Variants in ANO3 observed in about 807,000 individuals in gnomAD.
The protein encoded by ANO3 is anoctamin-3.
Under a neutral mutation model 144.8 loss-of-function variants are expected in ANO3, and 99 were observed. That is an observed-to-expected ratio of 0.68 (90% CI 0.58 to 0.81). ANO3 has a LOEUF of 0.81. Ranked by LOEUF, ANO3 falls within the 30% of genes least tolerant of loss-of-function variation. ANO3 has a pLI of 0.00. For missense variants in ANO3, 905 were observed against 1,202.2 expected (o/e 0.75, Z 3.66); for synonymous variants, 414 against 392.6 (o/e 1.05, Z -0.64).
Position 26,428,995 on chromosome 11 carries a change from G to A in ANO3, c.47-12923G>A, listed in dbSNP as rs189596728. 3.0e-4 allele frequency among the ~76,000 whole-genome samples: 46 copies of A among 152,296 alleles called. No individual in the cohort carries two copies. In the East Asian group the frequency reaches 5.4e-3, roughly 18 times the overall value. On this transcript the variant is annotated intron_variant, in intron 1 of 26. Transcript: ENST00000256737. ...TCTCCCCCATTATCAGAGCTGAGTCGTAGACCTTGCTAGAAGGGCACAGCC... is the reference window on the plus strand; with the variant it reads ...TCTCCCCCATTATCAGAGCTGAGTCATAGACCTTGCTAGAAGGGCACAGCC...
chr11:26,565,265 G>A, intron 14 of ANO3: 1 of 1,595,608 alleles, frequency 6.3e-7, no homozygotes, highest in Non-Finnish European at 8.5e-7. Context: ...TAAACCCAGT[G>A]AAGCTATCAC....
At chr11:26,577,763 C>G (rs7115642) in intron 14 of ANO3, among the ~76,000 whole-genome samples, 50,047 of 152,002 alleles carry the variant, frequency 0.33, 8,359 homozygotes, top group South Asian at 0.49. Flanking sequence ...TGTATTTAAA[C>G]CATGGGCTTA....
Position 26,641,995 on chromosome 11 carries a change from C to A in ANO3, c.2241C>A (p.Asn747Lys), listed in dbSNP as rs1410797952. 1.2e-6 allele frequency: 2 copies of A among 1,613,778 alleles called. No individual in the cohort carries two copies. The highest frequency in any genetic ancestry group is 1.7e-6 in the Non-Finnish European group (2 of 1,179,862). Residue 747 changes from asparagine (N) to lysine (K), a missense_variant, in exon 22 of 27, where the codon AAC (asparagine) becomes AAA (lysine). Physicochemically the swap from Asn to Lys is moderately conservative, Grantham distance 94 (BLOSUM62 0). Transcript: ENST00000256737. ...ATGATTGGAATCTGCAGCCCATGAA[C>A]CTTCATGGACTGATGGATGAGTACT... ...WENDWNLQPM[N>K]LHGLMDEYLE... is the part of the protein sequence containing the mutation.
intron 1 of ANO3, among the ~76,000 whole-genome samples, chr11:26,200,879 A>T (rs1194888614): frequency 6.6e-6 from 1 of 152,162 alleles, no homozygotes; most frequent in African/African-American, 2.4e-5. Context: ...GATTCAAAAC[A>T]TATTTACCTC....
At chr11:26,318,681 C>T (rs937724164) in intron 1 of ANO3, among the ~76,000 whole-genome samples, 4 of 152,038 alleles carry the variant, frequency 2.6e-5, no homozygotes, top group Non-Finnish European at 5.9e-5. Flanking sequence ...ATCAACTGGT[C>T]CTTGGAGAAC....
chr11:26,284,072 C>A (rs967180967), intron 1 of ANO3, among the ~76,000 whole-genome samples: 15 of 151,962 alleles, frequency 9.9e-5, no homozygotes, highest in African/African-American at 3.4e-4. Context: ...ACAGGCAGCT[C>A]CCAGATAACT....
intron 14 of ANO3, chr11:26,562,958 T>C: frequency 2.8e-6 from 3 of 1,080,270 alleles, no homozygotes; most frequent in Non-Finnish European, 3.7e-6. Context: ...ATTTTGGTTT[T>C]GTTCTTTGAT....
intron 4 of ANO3, among the ~76,000 whole-genome samples, chr11:26,484,339 C>T (rs963433729): frequency 6.6e-6 from 1 of 152,102 alleles, no homozygotes; most frequent in East Asian, 1.9e-4. Flanking sequence ...GAAGACACTG[C>T]TCCCTGCATC....
upstream of ANO3, chr11:26,331,890 C>G (rs16915482): frequency 0.039 from 8,692 of 224,388 alleles, 714 homozygotes; most frequent in African/African-American, 0.18. Context: ...TAACCAGCCT[C>G]AAAGCTTGGC....
In ANO3 at chr11:26,442,037, C is replaced by T. The variant is rs1462593751; in HGVS notation, c.166C>T (p.Leu56Phe). ...AAAGAGCTTGAGCCAGTCTACTTCC[C>T]TCTTCCAGTCAACCGAGAGTGAATC... ...YSKSLSQSTS[L>F]FQSTESESQA... Residue 56 changes from leucine (L) to phenylalanine (F), a missense_variant, in exon 2 of 27, where the codon CTC (leucine) becomes TTC (phenylalanine). Physicochemically the swap from Leu to Phe is conservative, Grantham distance 22 (BLOSUM62 0). This residue lies in a region of ANO3 where 174 missense variants were observed against 171.9 expected (regional missense o/e 1.01). Coordinates refer to ENST00000256737, the MANE Select transcript of ANO3 (RefSeq NM_031418.4). 2 of 1,614,112 alleles carry T rather than the reference C, an allele frequency of 1.2e-6. No individual in the cohort carries two copies. The highest frequency in any genetic ancestry group is 2.2e-5 in the East Asian group (1 of 44,896).
chr11:26,544,251 C>CACATATAT lies in ANO3; in HGVS notation c.1154+2184_1154+2185insCATATATA, dbSNP rs1183023481. Reference sequence around the variant, plus strand: ...TAAGGTTAAGTAGTATTTCATTATACATATATATATATATATATATATACA... The same window carrying CACATATAT: ...TAAGGTTAAGTAGTATTTCATTATACACATATATATATATATATATATATATATATACA... On this transcript the variant is annotated intron_variant, in intron 11 of 26. Coordinates refer to ENST00000256737, the MANE Select transcript of ANO3 (RefSeq NM_031418.4). Among the ~76,000 whole-genome samples the CACATATAT allele has an allele frequency of 3.9e-4, 15 of 38,478 alleles. 2 individuals are homozygous for CACATATAT. In the East Asian group the frequency reaches 0.015, roughly 39 times the overall value. The allele number at this position is 38,478 out of a possible 152,430, so 25.2% of individuals were successfully genotyped here. A position where few individuals can be genotyped will look rare whatever the true frequency, so the allele number is the denominator to read the frequency against.
At chr11:26,469,087 T>C in intron 4 of ANO3, among the ~76,000 whole-genome samples, 1 of 151,948 alleles carries the variant, frequency 6.6e-6, no homozygotes, top group East Asian at 1.9e-4. Context: ...TTCAGAGTCT[T>C]TGTATTCTCT....
In ANO3 at chr11:26,644,134, C is replaced by A. The variant is rs146745458; in HGVS notation, c.2428+800C>A. On this transcript the variant is annotated intron_variant, in intron 23 of 26. Coordinates refer to ENST00000256737, the MANE Select transcript of ANO3 (RefSeq NM_031418.4). ...ACCATGTGGTTTTCTATTGTGAGGA[C>A]ACCCTTCCAACCGTAACAAAACTTA... 8.5e-5 allele frequency among the ~76,000 whole-genome samples: 13 copies of A among 152,292 alleles called. No homozygotes were observed. In the East Asian group the frequency reaches 2.5e-3, roughly 29 times the overall value.
At chr11:26,625,594 C>T (rs1565150716) in intron 18 of ANO3, among the ~76,000 whole-genome samples, 2 of 151,968 alleles carry the variant, frequency 1.3e-5, no homozygotes, top group East Asian at 3.9e-4. Flanking sequence ...CTAATAATGG[C>T]CACTTTTTTG....
chr11:26,358,880 T>C (rs1266880517), intron 1 of ANO3, among the ~76,000 whole-genome samples: 1 of 152,202 alleles, frequency 6.6e-6, no homozygotes, highest in Non-Finnish European at 1.5e-5. Flanking sequence ...ATCCAGTGTA[T>C]GGTTTTTCTC....
At chr11:26,364,912 T>C (rs1383940330) in intron 1 of ANO3, among the ~76,000 whole-genome samples, 1 of 152,188 alleles carries the variant, frequency 6.6e-6, no homozygotes, top group Non-Finnish European at 1.5e-5. Context: ...TTCCCAATTG[T>C]CACCCAAAGT....
chr11:26,221,594 T>C (rs1852144448), intron 1 of ANO3, among the ~76,000 whole-genome samples: 1 of 152,232 alleles, frequency 6.6e-6, no homozygotes, highest in Non-Finnish European at 1.5e-5. Context: ...TAACACTGGA[T>C]AATTTATAAA....
intron 3 of ANO3, among the ~76,000 whole-genome samples, chr11:26,444,481 G>A (rs1858635212): frequency 6.6e-6 from 1 of 152,180 alleles, no homozygotes; most frequent in African/African-American, 2.4e-5. Flanking sequence ...ATGAAGCCCT[G>A]AGTTTTCAGT....
intron 14 of ANO3, among the ~76,000 whole-genome samples, chr11:26,587,730 G>A (rs1851326837): frequency 6.6e-6 from 1 of 152,118 alleles, no homozygotes; most frequent in Admixed American, 6.6e-5. Context: ...GCCAAGGCAG[G>A]AGGATTGCCT....
Sources: gnomAD v4.1 joint callset for allele counts (sites outside exome capture counted in the v4.1 genomes callset) on GRCh38, gnomAD v4.1.1 for gene constraint, gnomAD v4.1.1 regional missense constraint, MANE v1.5 for transcripts, NCBI Gene and HGNC (gene_info 2026-07-23, HGNC 2026-07-21) for gene names.